The following SPTBN5 variants were observed in gnomAD, a reference collection of about 807,000 sequenced individuals.
The protein encoded by SPTBN5 is spectrin beta chain, non-erythrocytic 5.
SPTBN5 carries 513 observed loss-of-function variants against 477.6 expected under a neutral mutation model. The ratio of observed to expected loss-of-function variants is 1.07; its 90% confidence interval spans 1.00 to 1.16. SPTBN5 has a LOEUF of 1.16. SPTBN5 is among the 50% of genes most tolerant of loss of function. The pLI is 0.00. For missense variants in SPTBN5, 5,062 were observed against 4,731.8 expected (o/e 1.07, Z -2.05); for synonymous variants, 2,169 against 2,011.7 (o/e 1.08, Z -2.09).
intron 9 of SPTBN5, 81 bp from the exon 10 acceptor site, chr15:41,882,819 C>T (rs1469942441): frequency 1.3e-6 from 2 of 1,496,966 alleles, no homozygotes; most frequent in Non-Finnish European, 1.8e-6. Context: ...TTTAGACACT[C>T]CCCTTAGACA....
Position 41,867,173 on chromosome 15 carries a change from C to T in SPTBN5, c.6313-47G>A, listed in dbSNP as rs1332732086. ...GCTGCTCTCCCACCCTGGGCTGGGG[C>T]AGGGCCTGGCCTGCAGGGCTCACAG... On this transcript the variant is annotated intron_variant, in intron 35 of 67. Coordinates refer to ENST00000320955, the MANE Select transcript of SPTBN5 (RefSeq NM_016642.4). 4 of 1,493,310 alleles carry T rather than the reference C, an allele frequency of 2.7e-6. No homozygotes were observed. In the South Asian group the frequency reaches 5.2e-5, roughly 19 times the overall value. 92.5% of individuals were successfully genotyped at this position (1,493,310 alleles called of 1,614,324 possible).
At chr15:41,857,755 G>C (rs778688137) in intron 49 of SPTBN5, 45 bp from the exon 50 acceptor site, 1 of 1,518,866 alleles carries the variant, frequency 6.6e-7, no homozygotes. Flanking sequence ...CAGGACTGCT[G>C]GTACCAGGGC....
intron 3 of SPTBN5, among the ~76,000 whole-genome samples, chr15:41,891,727 C>T (rs1052471544): frequency 3.3e-5 from 5 of 152,168 alleles, no homozygotes; most frequent in Admixed American, 1.3e-4. Flanking sequence ...TGGAGCCCAG[C>T]GCCTGCATAG....
rs369628992 is a variant in SPTBN5 at position 41,877,212 on chromosome 15, T to C, written c.3615A>G (p.Gln1205=). The change falls in exon 18 of 68, where the codon CAA becomes CAG. Residue 1205 remains glutamine, a synonymous_variant. Transcript: ENST00000320955. ...VLWEQRQQWL[Q]EGLELQKFGR... ...CAAACTTCTGCAGCTCCAGCCCCTC[T>C]TGCAGCCACTGCTGCCTCTGCTCCC... 136 of 1,613,862 alleles carry C rather than the reference T, an allele frequency of 8.4e-5. No homozygotes were observed. Among genetic ancestry groups the C allele is most frequent in the Non-Finnish European group, 1.8e-5 (21 of 1,179,906 alleles).
chr15:41,865,325 CTTT>C (rs1347152962), intron 39 of SPTBN5, among the ~76,000 whole-genome samples: 1 of 152,138 alleles, frequency 6.6e-6, no homozygotes, highest in Non-Finnish European at 1.5e-5. Context: ...TATGTCCTAT[CTTT>C]TTAAGATTTT....
chr15:41,848,573 C>T lies in SPTBN5; in HGVS notation c.*43G>A, dbSNP rs1316457758. ...CTTATTCTGGTCCCTTAGATGTGTC[C>T]TCGCTTGTGCCCCTGAAGTTTGGTG... On this transcript the variant is annotated 3_prime_UTR_variant, in exon 68 of 68. Coordinates refer to ENST00000320955, the MANE Select transcript of SPTBN5 (RefSeq NM_016642.4). 3.1e-6 allele frequency: 5 copies of T among 1,613,216 alleles called. No individual in the cohort carries two copies. The Admixed American group carries it at 6.7e-5, about 22-fold the overall frequency.
chr15:41,850,715 A>C (rs1037786080), intron 66 of SPTBN5, 139 bp downstream of exon 66: 1 of 773,460 alleles, frequency 1.3e-6, no homozygotes, highest in Non-Finnish European at 2.0e-6. Context: ...TTCTTTGAGG[A>C]AAAACAGTAA....
Position 41,858,929 on chromosome 15 carries a change from C to A in SPTBN5, c.8040G>T (p.Glu2680Asp), listed in dbSNP as rs924079560. 2.5e-6 allele frequency: 4 copies of A among 1,595,234 alleles called. No homozygotes were observed. In the Admixed American group the frequency reaches 6.8e-5, roughly 27 times the overall value. ...GCAGGAAGGCCTGCAGCTGCCGGAG[C>A]TCCTCCAGGCGATGGCGGCGGGTCC... ...QAGTRRHRLE[E>D]LRQLQAFLQD... Residue 2680 changes from glutamate (E) to aspartate (D), a missense_variant, in exon 48 of 68, where the codon GAG becomes GAT. Glu to Asp is a conservative substitution (Grantham distance 45). Coordinates refer to ENST00000320955, the MANE Select transcript of SPTBN5 (RefSeq NM_016642.4).
rs1411505412 is a variant in SPTBN5, at chr15:41,854,899, C to T, written c.9501G>A (p.Lys3167=). The part of the protein sequence containing the change: ...LGQAKVYALR[K]LAGTLERGAP... ...CACCCCGCTCCAGGGTGCCTGCCAA[C>T]TTCCTCAGGGCATACACCTTGGCCT... Residue 3167 remains lysine (K), a synonymous_variant, in exon 56 of 68, where the codon AAG becomes AAA. Coordinates refer to ENST00000320955, the MANE Select transcript of SPTBN5 (RefSeq NM_016642.4). The T allele has an allele frequency of 1.9e-6, 3 of 1,609,216 alleles. No homozygotes were observed. Among genetic ancestry groups the T allele is most frequent in the Admixed American group, 1.7e-5 (1 of 59,386 alleles).
chr15:41,871,244 C>T (rs2066523531), intron 29 of SPTBN5, 131 bp downstream of exon 29: 1 of 1,124,176 alleles, frequency 8.9e-7, no homozygotes. Context: ...GCTAGGCCCC[C>T]TGCAGAGCCC....
chr15:41,852,509 G>T, intron 61 of SPTBN5, 125 bp downstream of exon 61: 1 of 1,312,312 alleles, frequency 7.6e-7, no homozygotes, highest in Non-Finnish European at 1.1e-6. Context: ...ACCGCAGCTG[G>T]CCAGGGAAAG....
chr15:41,883,465 G>T lies in SPTBN5; in HGVS notation c.1542C>A (p.Arg514=). Residue 514 remains arginine, a synonymous_variant, in exon 8 of 68, where the codon CGC becomes CGA. Coordinates refer to ENST00000320955, the MANE Select transcript of SPTBN5 (RefSeq NM_016642.4). ...GTAGATGCTGAAGGAGCCTCTGCCA[G>T]CGCACGGTAACTTCCTCCTGCCTAG... ...VARRQEEVTV[R]WQRLLQHLQG... 1 of 1,613,938 alleles carries T rather than the reference G, an allele frequency of 6.2e-7. No individual in the cohort carries two copies. Among genetic ancestry groups the T allele is most frequent in the Non-Finnish European group, 8.5e-7 (1 of 1,179,876 alleles).
At position 41,862,524 on chromosome 15, in the gene SPTBN5, C is replaced by T; in HGVS notation, c.7385+15G>A. ...GGAGGATGGGTCGGCGAGGGCAAGG[C>T]CTGCGGGTTCATACCGCTTCTGGGC... On this transcript the variant is annotated intron_variant, in intron 43 of 67. Transcript: ENST00000320955. The T allele has an allele frequency of 6.3e-7, 1 of 1,578,392 alleles. No individual in the cohort carries two copies. Among genetic ancestry groups the T allele is most frequent in the Non-Finnish European group, 8.6e-7 (1 of 1,160,614 alleles).
rs770788525 is a variant in SPTBN5, at chr15:41,873,935, C to T, written c.4800G>A (p.Gln1600=). The change falls in exon 25 of 68, where the codon CAG becomes CAA. Residue 1600 remains glutamine, a synonymous_variant. Transcript: ENST00000320955. ...GHPQAQHIVE[Q]CQELEGHWAE... ...CCCAGTGGCCTTCCAGCTCCTGGCA[C>T]TGCTCCACGATGTGTTGGGCTTGGG... 2.5e-6 allele frequency: 4 copies of T among 1,610,586 alleles called. No homozygotes were observed. The South Asian group carries it at 3.3e-5, about 13-fold the overall frequency.
In SPTBN5 at chr15:41,888,218, C is replaced by T. The variant is rs936516225; in HGVS notation, c.502-133G>A. On this transcript the variant is annotated intron_variant, in intron 4 of 67. Transcript: ENST00000320955. Reference sequence around the variant, plus strand: ...CTGGCCCGGGGCCAGTGTGACTCTCCTCTCTTCAGAGTATCTGATTTTGCC... The same window carrying T: ...CTGGCCCGGGGCCAGTGTGACTCTCTTCTCTTCAGAGTATCTGATTTTGCC... 3.5e-5 allele frequency: 30 copies of T among 862,132 alleles called. No homozygotes were observed. In the African/African-American group the frequency reaches 4.2e-4, roughly 12 times the overall value. 53.4% of individuals were successfully genotyped at this position (862,132 alleles called of 1,614,324 possible).
In SPTBN5 at chr15:41,852,315, A is replaced by G. The variant is rs1177013660; in HGVS notation, c.10451T>C (p.Met3484Thr). ...EKFAQMQKTE[M>T]EQELLLQPQE... ...TGGCTGCAGCAGGAGCTCCTGTTCC[A>G]TCTTGGGGAGTGGGCAAGGTGGGCA... is the stretch of plus-strand genomic sequence containing the variant. The change falls in exon 62 of 68, where the codon ATG becomes ACG. Residue 3484 changes from methionine to threonine, a missense_variant and splice_region_variant. Physicochemically the swap from Met to Thr is moderately conservative, Grantham distance 81. Transcript: ENST00000320955. The G allele has an allele frequency of 2.3e-5, 36 of 1,579,258 alleles. No homozygotes were observed. The highest frequency in any genetic ancestry group is 3.0e-5 in the Non-Finnish European group (35 of 1,161,484).
At position 41,871,506 on chromosome 15, in the gene SPTBN5, C is replaced by A; in HGVS notation, c.5316G>T (p.Lys1772Asn). ...DPEHALHLCT[K>N]FAKFQHQVEM... ...CCACTTGGTGCTGAAACTTTGCAAA[C>A]TTGGTGCAGAGGTGCTGAGAAGAGG... Residue 1772 changes from lysine to asparagine, a missense_variant, in exon 29 of 68, where the codon AAG becomes AAT. Physicochemically the swap from Lys to Asn is moderately conservative, Grantham distance 94. Transcript: ENST00000320955. 6.6e-7 allele frequency: 1 copy of A among 1,507,484 alleles called. No individual in the cohort carries two copies. The allele number at this position is 1,507,484 out of a possible 1,614,324, so 93.4% of individuals were successfully genotyped here. A position where few individuals can be genotyped will look rare whatever the true frequency, so the allele number is the denominator to read the frequency against.
chr15:41,890,283 A>C, intron 3 of SPTBN5, 78 bp from the exon 4 acceptor site: 3 of 983,628 alleles, frequency 3.0e-6, no homozygotes, highest in Non-Finnish European at 4.8e-6. Context: ...TTAGGGGGCC[A>C]GCTGCGGGAT....
chr15:41,893,798 G>A, intron 1 of SPTBN5, 101 bp downstream of exon 1: 1 of 500,766 alleles, frequency 2.0e-6, no homozygotes, highest in Non-Finnish European at 3.6e-6. Context: ...ACTGGGACAG[G>A]TGGAAGGAAG....
Sources: allele counts gnomAD v4.1 joint callset (sites outside exome capture counted in the v4.1 genomes callset), GRCh38; gene constraint gnomAD v4.1.1; transcripts MANE v1.5; gene names NCBI Gene and HGNC (gene_info 2026-07-23, HGNC 2026-07-21).